Variants in RASGRP3 observed in about 807,000 individuals in gnomAD.
RASGRP3 encodes the protein ras guanyl-releasing protein 3.
In RASGRP3, 54 loss-of-function variants were observed where a neutral mutation model predicts 82.7. The observed-to-expected ratio is 0.65, with a 90% CI of 0.52 to 0.82. The LOEUF is 0.82. RASGRP3 is among the 40% of genes least tolerant of loss of function. The pLI is 0.00. For synonymous variants in RASGRP3, 309 were observed against 300.5 expected, an observed-to-expected ratio of 1.03 and a Z score of -0.29; for missense variants, 861 against 828.9, an observed-to-expected ratio of 1.04 and a Z score of -0.48.
chr2:33,534,417 C>T lies in RASGRP3; in HGVS notation c.1161+17C>T. The T allele has an allele frequency of 6.7e-7, 1 of 1,491,128 alleles. No homozygotes were observed. Among genetic ancestry groups the T allele is most frequent in the Admixed American group, 1.8e-5 (1 of 55,364 alleles). The allele number at this position is 1,491,128 out of a possible 1,614,324, so 92.4% of individuals were successfully genotyped here. ...TCTAAATCGGTAGGTATTATTTTCT[C>T]TCCAAGGATCAGTACCAATCACTAT... On this transcript the variant is annotated intron_variant, in intron 11 of 17. Transcript: ENST00000403687.
intron 13 of RASGRP3, among the ~76,000 whole-genome samples, chr2:33,548,638 C>T (rs975342226): frequency 3.3e-5 from 5 of 152,046 alleles, no homozygotes; most frequent in African/African-American, 4.8e-5. Context: ...AAGGTGTGAT[C>T]GCCAGCAAAT....
intron 1 of RASGRP3, among the ~76,000 whole-genome samples, chr2:33,502,679 AT>A (rs1293501771): frequency 4.0e-5 from 6 of 151,348 alleles, no homozygotes; most frequent in Non-Finnish European, 7.4e-5. Flanking sequence ...CACCCAGCTA[AT>A]TTTTTTGTAT....
intron 1 of RASGRP3, among the ~76,000 whole-genome samples, chr2:33,502,183 C>G (rs894554942): frequency 1.3e-5 from 2 of 151,962 alleles, no homozygotes; most frequent in Non-Finnish European, 2.9e-5. Flanking sequence ...AGAGGAAATA[C>G]AAGGGGAGTT....
intron 14 of RASGRP3, among the ~76,000 whole-genome samples, chr2:33,550,908 T>C (rs764817809): frequency 2.4e-4 from 37 of 152,196 alleles, no homozygotes; most frequent in Non-Finnish European, 5.0e-4. Flanking sequence ...TAGCAGCTGA[T>C]GTGACACAGG....
Position 33,558,309 on chromosome 2 carries a change from C to T in RASGRP3, c.1678C>T (p.Leu560=), listed in dbSNP as rs552684879. 8 of 1,613,606 alleles carry T rather than the reference C, an allele frequency of 5.0e-6. No individual in the cohort carries two copies. In the African/African-American group the frequency reaches 9.3e-5, roughly 19 times the overall value. The change falls in exon 16 of 18, where the codon CTG becomes TTG. Residue 560 remains leucine (L), a synonymous_variant. Transcript: ENST00000403687. ...CTCCTTGAGCAGTGGTCATGGGTCA[C>T]TGCCTGGAAGCCCCTCGCTGCCCCC... ...APSLSSGHGS[L]PGSPSLPPAQ... is the part of the protein sequence containing the mutation.
chr2:33,558,235 A>G lies in RASGRP3; in HGVS notation c.1604A>G (p.Gln535Arg). The change falls in exon 16 of 18, where the codon CAG becomes CGG. Residue 535 changes from glutamine (Q) to arginine (R), a missense_variant. Gln to Arg is a conservative substitution (Grantham distance 43). Coordinates refer to ENST00000403687, the MANE Select transcript of RASGRP3 (RefSeq NM_001139488.2). Reference sequence around the variant, plus strand: ...GACTGTGGAGCCAATTGTCACAAACAGTGCAAAGACCTCCTGGTTCTGGCC... The same window carrying G: ...GACTGTGGAGCCAATTGTCACAAACGGTGCAAAGACCTCCTGGTTCTGGCC... ...CKDCGANCHK[Q>R]CKDLLVLACR... The G allele has an allele frequency of 6.2e-7, 1 of 1,612,078 alleles. No homozygotes were observed. Among genetic ancestry groups the G allele is most frequent in the Non-Finnish European group, 8.5e-7 (1 of 1,179,174 alleles).
At chr2:33,538,560 G>T (rs1370114052) in intron 11 of RASGRP3, among the ~76,000 whole-genome samples, 4 of 151,842 alleles carry the variant, frequency 2.6e-5, no homozygotes, top group Non-Finnish European at 4.4e-5. Flanking sequence ...TTAAGTTGCT[G>T]TTAAACAAAA....
chr2:33,483,161 A>G (rs374900205), intron 1 of RASGRP3, among the ~76,000 whole-genome samples: 40 of 152,310 alleles, frequency 2.6e-4, no homozygotes, highest in African/African-American at 9.1e-4. Context: ...CTCAATGTAT[A>G]AATGATTTCT....
Position 33,515,109 on chromosome 2 carries a change from CT to C in RASGRP3, c.-27del, listed in dbSNP as rs1363643161. 3.1e-6 allele frequency: 5 copies of C among 1,610,350 alleles called. No individual in the cohort carries two copies. In the South Asian group the frequency reaches 5.5e-5, roughly 18 times the overall value. ...GGTCTATCTGATGCTGAAAATGTCTCTAGTTTTTTGACAACGGCTAAATAAC... is the reference window on the plus strand; with the variant it reads ...GGTCTATCTGATGCTGAAAATGTCTCAGTTTTTTGACAACGGCTAAATAAC... On this transcript the variant is annotated 5_prime_UTR_variant, in exon 3 of 18. The change abolishes the stop of an existing upstream ORF in the 5' untranslated region. Coordinates refer to ENST00000403687, the MANE Select transcript of RASGRP3 (RefSeq NM_001139488.2).
chr2:33,515,455 C>T (rs992707008), intron 3 of RASGRP3, among the ~76,000 whole-genome samples: 1 of 152,224 alleles, frequency 6.6e-6, no homozygotes, highest in African/African-American at 2.4e-5. Flanking sequence ...CACCTTTCTA[C>T]CACCATCCAT....
intron 2 of RASGRP3, among the ~76,000 whole-genome samples, chr2:33,469,075 C>G (rs191523125): frequency 6.6e-6 from 1 of 152,046 alleles, no homozygotes; most frequent in African/African-American, 2.4e-5. Context: ...TGTATCTTAT[C>G]GTTGTTTAAT....
Position 33,555,363 on chromosome 2 carries a change from G to C in RASGRP3, c.1543-168G>C, listed in dbSNP as rs1675831217. 9 of 500,886 alleles carry C rather than the reference G, an allele frequency of 1.8e-5. 1 individual carries two copies. In the South Asian group the frequency reaches 2.8e-4, roughly 16 times the overall value. 31.0% of individuals were successfully genotyped at this position (500,886 alleles called of 1,614,324 possible). On this transcript the variant is annotated intron_variant, in intron 14 of 17. Coordinates refer to ENST00000403687, the MANE Select transcript of RASGRP3 (RefSeq NM_001139488.2). ...ACTCATGTTATCACCACAGCTGGAA[G>C]GGGCCGGGAGAGGGTTCTTCTATCT...
chr2:33,499,656 T>A (rs1036147761), intron 1 of RASGRP3, among the ~76,000 whole-genome samples: 3 of 152,076 alleles, frequency 2.0e-5, no homozygotes, highest in Non-Finnish European at 4.4e-5. Flanking sequence ...AATATTTACA[T>A]AAATGATTTG....
At chr2:33,495,097 C>A (rs934533423) in intron 1 of RASGRP3, among the ~76,000 whole-genome samples, 1 of 152,226 alleles carries the variant, frequency 6.6e-6, no homozygotes, top group African/African-American at 2.4e-5. Flanking sequence ...TTCCAAAGAT[C>A]TGCACTTTGA....
At chr2:33,538,566 C>G (rs1673897422) in intron 11 of RASGRP3, among the ~76,000 whole-genome samples, 1 of 151,844 alleles carries the variant, frequency 6.6e-6, no homozygotes, top group Admixed American at 6.6e-5. Flanking sequence ...TGCTGTTAAA[C>G]AAAAGGCAGT....
chr2:33,458,299 C>T (rs1028276458), intron 2 of RASGRP3, among the ~76,000 whole-genome samples: 6 of 152,110 alleles, frequency 3.9e-5, no homozygotes, highest in Non-Finnish European at 7.3e-5. Context: ...AATGCTTTGG[C>T]AATGTGAATA....
At chr2:33,530,656 T>C (rs1419336477) in intron 10 of RASGRP3, among the ~76,000 whole-genome samples, 1 of 152,176 alleles carries the variant, frequency 6.6e-6, no homozygotes, top group African/African-American at 2.4e-5. Flanking sequence ...ATTTCACATC[T>C]GTAAAAATTA....
At chr2:33,508,212 G>C (rs1299406793) in intron 1 of RASGRP3, among the ~76,000 whole-genome samples, 1 of 152,170 alleles carries the variant, frequency 6.6e-6, no homozygotes, top group Non-Finnish European at 1.5e-5. Context: ...TATTGATTTA[G>C]AGATGCCTGA....
intron 11 of RASGRP3, among the ~76,000 whole-genome samples, chr2:33,538,332 G>A (rs1161271809): frequency 1.3e-5 from 2 of 151,720 alleles, no homozygotes; most frequent in East Asian, 2.0e-4. Context: ...GTGGAAACCC[G>A]TCTCTACTAA....
Sources: allele counts gnomAD v4.1 joint callset (sites outside exome capture counted in the v4.1 genomes callset), GRCh38; gene constraint gnomAD v4.1.1; transcripts MANE v1.5; gene names NCBI Gene and HGNC (gene_info 2026-07-23, HGNC 2026-07-21).